Variants in GLIS3 observed in about 807,000 individuals in gnomAD.
GLIS3 encodes zinc finger protein GLIS3.
In GLIS3, 53 loss-of-function variants were observed where a neutral mutation model predicts 78.6. The observed-to-expected ratio is 0.67, with a 90% CI of 0.54 to 0.85. The LOEUF is 0.85. Among genes scored for constraint, GLIS3 ranks in the 40% least tolerant of loss-of-function variants. The probability of loss-of-function intolerance (pLI) is 0.00; values close to 1 mark genes in which losing one functional copy is unlikely to be tolerated. For synonymous variants in GLIS3, 684 were observed against 509.9 expected, an observed-to-expected ratio of 1.34 and a Z score of -4.60; for missense variants, 1,703 against 1,231.1, an observed-to-expected ratio of 1.38 and a Z score of -5.74.
At chr9:4,212,298 T>C (rs1042140886) in intron 2 of GLIS3, among the ~76,000 whole-genome samples, 3 of 152,232 alleles carry the variant, frequency 2.0e-5, no homozygotes, top group African/African-American at 7.2e-5. Flanking sequence ...CACAGTGATG[T>C]CTTCAGCTTC....
the GLIS3 span, among the ~76,000 whole-genome samples, chr9:4,446,846 T>A: frequency 6.6e-6 from 1 of 151,948 alleles, no homozygotes; most frequent in Non-Finnish European, 1.5e-5. Context: ...GTGCTTTCAT[T>A]GTGTGACCTC....
intron 8 of GLIS3, among the ~76,000 whole-genome samples, chr9:3,878,035 T>C (rs1821436655): frequency 6.6e-6 from 1 of 152,190 alleles, no homozygotes; most frequent in Non-Finnish European, 1.5e-5. Context: ...GCCTGGATGC[T>C]GTCATCCCAA....
chr9:4,105,756 T>C (rs1271749069), intron 4 of GLIS3, among the ~76,000 whole-genome samples: 4 of 152,186 alleles, frequency 2.6e-5, no homozygotes, highest in African/African-American at 2.4e-5. Context: ...ATTCAGATTA[T>C]ACAGCTCTGT....
intron 4 of GLIS3, among the ~76,000 whole-genome samples, chr9:4,083,072 C>T (rs895031619): frequency 6.6e-6 from 1 of 152,048 alleles, no homozygotes; most frequent in African/African-American, 2.4e-5. Context: ...TTTCTCTGTT[C>T]CCTTTGGGTT....
At chr9:4,365,175 G>T in the GLIS3 span, among the ~76,000 whole-genome samples, 1 of 152,090 alleles carries the variant, frequency 6.6e-6, no homozygotes, top group East Asian at 1.9e-4. Context: ...GTTATGTGTG[G>T]GTGGAGAAAG....
intron 2 of GLIS3, among the ~76,000 whole-genome samples, chr9:4,249,666 G>A (rs565203909): frequency 6.6e-5 from 10 of 152,286 alleles, no homozygotes; most frequent in African/African-American, 1.9e-4. Context: ...TTGAATAAGG[G>A]TGGTGAGAGA....
chr9:4,273,763 C>T (rs531068700), intron 2 of GLIS3, among the ~76,000 whole-genome samples: 9 of 152,254 alleles, frequency 5.9e-5, no homozygotes, highest in East Asian at 1.9e-4. Flanking sequence ...CCACATAACT[C>T]GAAGATTCTC....
chr9:4,314,000 T>C lies in GLIS3; in HGVS notation n.265-3472A>G, dbSNP rs113038344. On this transcript the variant is annotated intron_variant and non_coding_transcript_variant, in intron 2 of 4. Transcript: ENST00000471664. ...ATCAATAAATCAGGTAGTTGAGAGA[T>C]GGCGTTACATAAAAATGTAGTTAGC... is the stretch of plus-strand genomic sequence containing the variant. 2.8e-4 allele frequency among the ~76,000 whole-genome samples: 42 copies of C among 152,328 alleles called. 1 individual carries two copies. The highest frequency in any genetic ancestry group is 9.6e-4 in the African/African-American group (40 of 41,570).
At chr9:3,897,239 C>T (rs7850121) in intron 7 of GLIS3, among the ~76,000 whole-genome samples, 7,679 of 152,204 alleles carry the variant, frequency 0.05, 577 homozygotes, top group African/African-American at 0.17. Context: ...TTTTCAATCA[C>T]TTCTGGTTAG....
intron 8 of GLIS3, among the ~76,000 whole-genome samples, chr9:3,863,671 A>G (rs1290878611): frequency 6.6e-6 from 1 of 152,240 alleles, no homozygotes; most frequent in Non-Finnish European, 1.5e-5. Flanking sequence ...AACGATCACA[A>G]ATACTTTTTG....
intron 4 of GLIS3, among the ~76,000 whole-genome samples, chr9:3,959,952 G>T (rs539997012): frequency 6.6e-6 from 1 of 152,210 alleles, no homozygotes; most frequent in East Asian, 1.9e-4. Flanking sequence ...AGGAGTTCAA[G>T]ACCAGCCTGG....
At chr9:4,019,057 A>C (rs567304655) in intron 4 of GLIS3, among the ~76,000 whole-genome samples, 1 of 152,216 alleles carries the variant, frequency 6.6e-6, no homozygotes. Context: ...CACCTGGCAC[A>C]GTGTCATTAA....
At chr9:3,846,571 T>C (rs896836048) in intron 9 of GLIS3, among the ~76,000 whole-genome samples, 2 of 152,190 alleles carry the variant, frequency 1.3e-5, no homozygotes, top group African/African-American at 4.8e-5. Context: ...ATCAGGGCAT[T>C]GCATGACCTG....
chr9:3,978,181 G>C (rs1470115646), intron 4 of GLIS3, among the ~76,000 whole-genome samples: 1 of 152,122 alleles, frequency 6.6e-6, no homozygotes, highest in Admixed American at 6.5e-5. Flanking sequence ...GGTAATCTCA[G>C]AGTGAAAAAC....
At chr9:3,921,116 T>C (rs967396873) in intron 6 of GLIS3, among the ~76,000 whole-genome samples, 11 of 152,218 alleles carry the variant, frequency 7.2e-5, no homozygotes, top group African/African-American at 4.8e-5. Context: ...AGTGGTGTCA[T>C]GCATTATTCC....
chr9:4,228,599 G>A (rs1449288746), intron 2 of GLIS3, among the ~76,000 whole-genome samples: 5 of 152,168 alleles, frequency 3.3e-5, no homozygotes, highest in Admixed American at 1.3e-4. Context: ...CTGTAGCATC[G>A]CAGTACAGGT....
intron 4 of GLIS3, among the ~76,000 whole-genome samples, chr9:4,015,603 T>C (rs960420718): frequency 6.6e-6 from 1 of 152,176 alleles, no homozygotes; most frequent in African/African-American, 2.4e-5. Context: ...ATAGGGATTT[T>C]CCAGCCAAGT....
At chr9:4,400,841 G>A in the GLIS3 span, among the ~76,000 whole-genome samples, 2 of 152,150 alleles carry the variant, frequency 1.3e-5, no homozygotes, top group African/African-American at 4.8e-5. Flanking sequence ...TGCATTGAAG[G>A]GAATGACTCA....
At position 3,953,760 on chromosome 9, in the gene GLIS3, GCTCTCT is replaced by G. The variant is rs71507912; in HGVS notation, c.1711-16577_1711-16572del. ...AATATTGCCAATGATAATTAGATTT[GCTCTCT>G]CTCTCTCTCTCTCTCTCTCTCTCTC... On this transcript the variant is annotated intron_variant, in intron 4 of 10. Transcript: ENST00000381971. Among the ~76,000 whole-genome samples, 853 of 103,210 alleles carry G rather than the reference GCTCTCT, an allele frequency of 8.3e-3. 4 individuals are homozygous for G. Among genetic ancestry groups the G allele is most frequent in the African/African-American group, 0.021 (565 of 26,998 alleles). The allele number at this position is 103,210 out of a possible 152,430, so 67.7% of individuals were successfully genotyped here.
Sources: gnomAD v4.1 joint callset for allele counts (sites outside exome capture counted in the v4.1 genomes callset) on GRCh38, gnomAD v4.1.1 for gene constraint, MANE v1.5 for transcripts, NCBI Gene and HGNC (gene_info 2026-07-23, HGNC 2026-07-21) for gene names.